The following ITFG1 variants were observed in gnomAD, a reference collection of about 807,000 sequenced individuals.
ITFG1 encodes T-cell immunomodulatory protein.
A neutral mutation model predicts 81.8 loss-of-function variants in ITFG1; 34 were observed. That is an observed-to-expected ratio of 0.42 (90% CI 0.32 to 0.55). ITFG1 has a LOEUF of 0.55. Among genes scored for constraint, ITFG1 ranks in the 20% least tolerant of loss-of-function variants. The pLI is 0.17. For missense variants in ITFG1, 672 were observed against 755.4 expected (o/e 0.89, Z 1.29); for synonymous variants, 285 against 270.6 (o/e 1.05, Z -0.52).
intron 6 of ITFG1, among the ~76,000 whole-genome samples, chr16:47,414,353 G>A (rs1968847868): frequency 6.6e-6 from 1 of 151,550 alleles, no homozygotes; most frequent in Non-Finnish European, 1.5e-5. Flanking sequence ...GTGAAACCCT[G>A]TATCTACTAA....
At chr16:47,451,741 C>T (rs1197056183) in intron 4 of ITFG1, among the ~76,000 whole-genome samples, 2 of 152,178 alleles carry the variant, frequency 1.3e-5, no homozygotes, top group Non-Finnish European at 2.9e-5. Flanking sequence ...GCTACAAAGA[C>T]AGTGGGCTCT....
intron 10 of ITFG1, among the ~76,000 whole-genome samples, chr16:47,286,805 TAC>T (rs1188412156): frequency 6.6e-6 from 1 of 152,158 alleles, no homozygotes; most frequent in Non-Finnish European, 1.5e-5. Flanking sequence ...TGATACATTA[TAC>T]AGTTTAATTC....
chr16:47,317,241 T>G (rs1239208211), intron 8 of ITFG1, among the ~76,000 whole-genome samples: 1 of 152,152 alleles, frequency 6.6e-6, no homozygotes. Flanking sequence ...TAAAACTGAT[T>G]TAGAGAAACT....
intron 14 of ITFG1, among the ~76,000 whole-genome samples, chr16:47,170,829 G>A (rs1411766611): frequency 7.3e-6 from 1 of 137,546 alleles, no homozygotes; most frequent in Non-Finnish European, 1.5e-5. Flanking sequence ...TCTGCCTCCT[G>A]GGTTCAAGTG....
At chr16:47,263,976 C>A (rs1966243733) in intron 10 of ITFG1, among the ~76,000 whole-genome samples, 1 of 152,222 alleles carries the variant, frequency 6.6e-6, no homozygotes, top group South Asian at 2.1e-4. Context: ...GGAGGAAGAA[C>A]CTTTACCCAT....
At chr16:47,240,681 A>G (rs577259648) in intron 12 of ITFG1, among the ~76,000 whole-genome samples, 1 of 152,370 alleles carries the variant, frequency 6.6e-6, no homozygotes, top group East Asian at 1.9e-4. Context: ...TGAATAAAAT[A>G]TGGTAAATAC....
chr16:47,305,545 CAA>C (rs971155787), intron 10 of ITFG1, among the ~76,000 whole-genome samples: 4 of 152,048 alleles, frequency 2.6e-5, no homozygotes, highest in Admixed American at 2.0e-4. Flanking sequence ...ACAAAAATAA[CAA>C]ATAGAAATTT....
At chr16:47,346,527 CTG>C (rs906098509) in intron 8 of ITFG1, among the ~76,000 whole-genome samples, 2 of 152,108 alleles carry the variant, frequency 1.3e-5, no homozygotes, top group African/African-American at 2.4e-5. Context: ...AATCTACAAA[CTG>C]TTAGCTAGAC....
In ITFG1 at chr16:47,404,654, T is replaced by C. The variant is rs145980375; in HGVS notation, c.655+24150A>G. 1.6e-3 allele frequency among the ~76,000 whole-genome samples: 242 copies of C among 152,328 alleles called. 1 individual carries two copies. Among genetic ancestry groups the C allele is most frequent in the African/African-American group, 5.4e-3 (223 of 41,590 alleles). On this transcript the variant is annotated intron_variant, in intron 6 of 17. Coordinates refer to ENST00000320640, the MANE Select transcript of ITFG1 (RefSeq NM_030790.5). ...ACGTATGCATACACACATGCACATATACATAGTATTTAGTTTTGCATGAGT... is the reference window on the plus strand; with the variant it reads ...ACGTATGCATACACACATGCACATACACATAGTATTTAGTTTTGCATGAGT...
At chr16:47,219,016 C>T (rs1337019969) in intron 13 of ITFG1, 70 bp from the exon 14 acceptor site, 1 of 1,057,512 alleles carries the variant, frequency 9.5e-7, no homozygotes, top group Non-Finnish European at 1.3e-6. Context: ...AGGCAAATCT[C>T]TTTCAAAGCA....
chr16:47,401,625 G>T (rs898024715), intron 6 of ITFG1, among the ~76,000 whole-genome samples: 2 of 152,096 alleles, frequency 1.3e-5, no homozygotes, highest in African/African-American at 4.8e-5. Context: ...CATGGGACTG[G>T]GTGTCTGAAA....
rs866210307 is a variant in ITFG1 at position 47,195,993 on chromosome 16, T to A, written c.1453+22875A>T. Among the ~76,000 whole-genome samples the A allele has an allele frequency of 3.9e-5, 6 of 152,344 alleles. No homozygotes were observed. In the Middle Eastern group the frequency reaches 0.02, roughly 518 times the overall value. On this transcript the variant is annotated intron_variant, in intron 14 of 17. Transcript: ENST00000320640. ...ACTTTAAAAAGATAATTTTGCTGGA[T>A]ACAGAATTGTAGGTTGGTGTTTTTT...
intron 10 of ITFG1, among the ~76,000 whole-genome samples, chr16:47,285,217 G>A (rs954598068): frequency 1.2e-4 from 18 of 152,034 alleles, no homozygotes; most frequent in Non-Finnish European, 1.5e-5. Flanking sequence ...CCTATACCCT[G>A]GGGGAAGAAT....
At chr16:47,448,424 C>T (rs1447100536) in intron 5 of ITFG1, 1 of 152,066 alleles carries the variant, frequency 6.6e-6, no homozygotes, top group Non-Finnish European at 1.5e-5. Flanking sequence ...ACCCACACAA[C>T]AGTTAAAAAT....
chr16:47,452,673 G>A (rs988828212), intron 4 of ITFG1, 60 bp downstream of exon 4: 2 of 1,133,720 alleles, frequency 1.8e-6, no homozygotes, highest in African/African-American at 1.6e-5. Flanking sequence ...TTTCCTATGT[G>A]AAGATTTTAT....
At chr16:47,358,880 A>G (rs1205245594) in intron 8 of ITFG1, among the ~76,000 whole-genome samples, 2 of 152,188 alleles carry the variant, frequency 1.3e-5, no homozygotes, top group Non-Finnish European at 2.9e-5. Context: ...GTGAGGGCAC[A>G]TGAGTAGAAT....
At chr16:47,432,258 T>C (rs376193095) in intron 5 of ITFG1, among the ~76,000 whole-genome samples, 1 of 152,304 alleles carries the variant, frequency 6.6e-6, no homozygotes, top group Admixed American at 6.5e-5. Context: ...ACCACAGATA[T>C]GTCATCTCCA....
At chr16:47,355,416 G>T (rs1968025169) in intron 8 of ITFG1, among the ~76,000 whole-genome samples, 2 of 152,112 alleles carry the variant, frequency 1.3e-5, no homozygotes, top group Non-Finnish European at 2.9e-5. Flanking sequence ...TGGTCAAAGG[G>T]CACAAAGTTA....
At chr16:47,348,709 A>C (rs544358981) in intron 8 of ITFG1, among the ~76,000 whole-genome samples, 2 of 152,304 alleles carry the variant, frequency 1.3e-5, no homozygotes, top group Admixed American at 6.5e-5. Context: ...AATACAGAGA[A>C]CACCACAAAG....
Sources: allele counts gnomAD v4.1 joint callset (sites outside exome capture counted in the v4.1 genomes callset), GRCh38; gene constraint gnomAD v4.1.1; transcripts MANE v1.5; gene names NCBI Gene and HGNC (gene_info 2026-07-23, HGNC 2026-07-21).